The following PLGRKT variants were observed in gnomAD, a reference collection of about 807,000 sequenced individuals.
PLGRKT encodes plasminogen receptor with a C-terminal lysine.
A neutral mutation model predicts 18.5 loss-of-function variants in PLGRKT; 22 were observed. That is an observed-to-expected ratio of 1.19 (90% CI 0.85 to 1.70). The LOEUF is 1.70. Among genes scored for constraint, PLGRKT ranks in the 40% most tolerant of loss-of-function variants. The pLI, the probability that PLGRKT is intolerant of heterozygous loss-of-function variation, is 0.00. For synonymous variants in PLGRKT, 72 were observed against 52.8 expected, an observed-to-expected ratio of 1.36 and a Z score of -1.58; for missense variants, 235 against 174.4, an observed-to-expected ratio of 1.35 and a Z score of -1.96.
intron 3 of PLGRKT, among the ~76,000 whole-genome samples, chr9:5,378,881 G>C (rs1275347574): frequency 6.6e-6 from 1 of 152,118 alleles, no homozygotes; most frequent in African/African-American, 2.4e-5. Context: ...CTTAATATGT[G>C]TGTATCTGTA....
intron 3 of PLGRKT, among the ~76,000 whole-genome samples, chr9:5,396,553 G>A (rs200138451): frequency 3.3e-5 from 5 of 151,780 alleles, no homozygotes; most frequent in Admixed American, 6.6e-5. Context: ...CCTCAGCCTC[G>A]CAAAGTGCTG....
At chr9:5,431,307 G>A (rs1055775515) in intron 3 of PLGRKT, among the ~76,000 whole-genome samples, 4 of 152,116 alleles carry the variant, frequency 2.6e-5, no homozygotes, top group Non-Finnish European at 4.4e-5. Context: ...GCTGAGGCCA[G>A]TAGATCATTT....
chr9:5,429,886 A>C (rs1393219079), intron 3 of PLGRKT, among the ~76,000 whole-genome samples: 3 of 152,202 alleles, frequency 2.0e-5, no homozygotes, highest in Non-Finnish European at 4.4e-5. Context: ...TGTAACTCCC[A>C]GGTCTGACAT....
rs1309947069 is a variant in PLGRKT at position 5,431,971 on chromosome 9, A to G, written c.7T>C (p.Phe3Leu). The G allele has an allele frequency of 6.7e-7, 1 of 1,486,678 alleles. No homozygotes were observed. Among genetic ancestry groups the G allele is most frequent in the African/African-American group, 1.4e-5 (1 of 72,790 alleles). 92.1% of individuals were successfully genotyped at this position (1,486,678 alleles called of 1,614,324 possible). A position where few individuals can be genotyped will look rare whatever the true frequency, so the allele number is the denominator to read the frequency against. The change falls in exon 3 of 6, where the codon TTT becomes CTT. Residue 3 changes from phenylalanine (F) to leucine (L), a missense_variant. Physicochemically the swap from Phe to Leu is conservative, Grantham distance 22. Coordinates refer to ENST00000223864, the MANE Select transcript of PLGRKT (RefSeq NM_018465.4). ...TCATTCATAGATTTTGAAAATATAA[A>G]CCCCATTTTGACCTAAAATGTAAAA... is the stretch of plus-strand genomic sequence containing the variant. MG[F>L]IFSKSMNESM...
intron 3 of PLGRKT, among the ~76,000 whole-genome samples, chr9:5,411,757 A>G (rs1414921321): frequency 5.9e-5 from 9 of 152,270 alleles, no homozygotes; most frequent in African/African-American, 2.2e-4. Context: ...AATTTAACTT[A>G]AAATTTCATT....
chr9:5,367,669 C>G (rs898552118), intron 3 of PLGRKT, among the ~76,000 whole-genome samples: 2 of 152,086 alleles, frequency 1.3e-5, no homozygotes, highest in African/African-American at 4.8e-5. Context: ...CCATTCGGGA[C>G]ATTGATCTTG....
rs76842218 is a variant in PLGRKT, at chr9:5,427,863, G to A, written c.81+4034C>T. On this transcript the variant is annotated intron_variant, in intron 3 of 5. Coordinates refer to ENST00000223864, the MANE Select transcript of PLGRKT (RefSeq NM_018465.4). ...TGAGAAGATTCCCAGAGATCTGGTA[G>A]TAAATGCTCTTGCCTAGATGGTGGT... Among the ~76,000 whole-genome samples, 74 of 152,308 alleles carry A rather than the reference G, an allele frequency of 4.9e-4. No individual in the cohort carries two copies. The East Asian group carries it at 0.01, about 21-fold the overall frequency.
At chr9:5,392,232 C>G (rs1220065203) in intron 3 of PLGRKT, 1 of 151,834 alleles carries the variant, frequency 6.6e-6, no homozygotes, top group African/African-American at 2.4e-5. Flanking sequence ...GGGTATTTGT[C>G]AAGTTGTTAT....
At chr9:5,406,121 A>T (rs1384184910) in intron 3 of PLGRKT, among the ~76,000 whole-genome samples, 1 of 152,178 alleles carries the variant, frequency 6.6e-6, no homozygotes, top group Non-Finnish European at 1.5e-5. Context: ...AGATGCTGGC[A>T]GTATTGAGGC....
At chr9:5,431,847 A>G (rs1257713340) in intron 3 of PLGRKT, 50 bp downstream of exon 3, 1 of 880,194 alleles carries the variant, frequency 1.1e-6, no homozygotes, top group Admixed American at 1.9e-5. Flanking sequence ...CATGTGGTAG[A>G]AACTTTAAGC....
intron 3 of PLGRKT, among the ~76,000 whole-genome samples, chr9:5,370,076 T>C (rs184757764): frequency 2.6e-5 from 4 of 152,050 alleles, no homozygotes; most frequent in African/African-American, 9.6e-5. Flanking sequence ...ATTTAAAGTA[T>C]AATAAAAAAT....
intron 3 of PLGRKT, among the ~76,000 whole-genome samples, chr9:5,414,431 G>C (rs1395293165): frequency 1.3e-5 from 2 of 152,196 alleles, no homozygotes; most frequent in Admixed American, 1.3e-4. Context: ...GCCTCCCAAA[G>C]TGGTGGGATT....
At chr9:5,435,910 G>C (rs762588628) in intron 2 of PLGRKT, among the ~76,000 whole-genome samples, 1 of 152,250 alleles carries the variant, frequency 6.6e-6, no homozygotes, top group Non-Finnish European at 1.5e-5. Context: ...CTGCAAGCAA[G>C]ACTTCAGTGA....
At chr9:5,425,235 G>A (rs1818673253) in intron 3 of PLGRKT, among the ~76,000 whole-genome samples, 2 of 152,074 alleles carry the variant, frequency 1.3e-5, no homozygotes, top group Non-Finnish European at 2.9e-5. Flanking sequence ...CCTCCTAGTG[G>A]CATTTTAAGG....
chr9:5,395,821 G>T (rs956573864), intron 3 of PLGRKT, among the ~76,000 whole-genome samples: 6 of 150,710 alleles, frequency 4.0e-5, no homozygotes, highest in Admixed American at 1.3e-4. Context: ...CAAAAAAAAA[G>T]GTGGATTTTT....
rs75561931 is a variant in PLGRKT, at chr9:5,378,796, C to A, written c.82-16908G>T. On this transcript the variant is annotated intron_variant, in intron 3 of 5. Coordinates refer to ENST00000223864, the MANE Select transcript of PLGRKT (RefSeq NM_018465.4). ...ATAAATAATAATGGTAGGATTTAAC[C>A]ATCTCTTTCAGAAATATACAGGTTA... Among the ~76,000 whole-genome samples the A allele has an allele frequency of 8.9e-3, 1,353 of 152,028 alleles. 21 individuals are homozygous for A. Among genetic ancestry groups the A allele is most frequent in the East Asian group, 0.035 (183 of 5,174 alleles).
At chr9:5,407,969 C>G (rs2131138295) in intron 3 of PLGRKT, among the ~76,000 whole-genome samples, 1 of 152,202 alleles carries the variant, frequency 6.6e-6, no homozygotes, top group South Asian at 2.1e-4. Context: ...GTTTCATTGC[C>G]TAATCTGTAT....
intron 3 of PLGRKT, among the ~76,000 whole-genome samples, chr9:5,400,967 T>A (rs1818142645): frequency 6.6e-6 from 1 of 151,956 alleles, no homozygotes; most frequent in Non-Finnish European, 1.5e-5. Flanking sequence ...TGGGAAACTT[T>A]ATCCTCAAAA....
intron 3 of PLGRKT, among the ~76,000 whole-genome samples, chr9:5,389,515 G>T (rs888407161): frequency 1.3e-5 from 2 of 151,722 alleles, no homozygotes; most frequent in Non-Finnish European, 2.9e-5. Context: ...AAAATACTTT[G>T]GAAAGACTTT....
Sources: gnomAD v4.1 joint callset for allele counts (sites outside exome capture counted in the v4.1 genomes callset) on GRCh38, gnomAD v4.1.1 for gene constraint, MANE v1.5 for transcripts, NCBI Gene and HGNC (gene_info 2026-07-23, HGNC 2026-07-21) for gene names.